Variants in LRRC4C observed in about 807,000 individuals in gnomAD.
LRRC4C encodes leucine-rich repeat-containing protein 4C.
LRRC4C carries 5 observed loss-of-function variants against 33.6 expected under a neutral mutation model. The observed-to-expected ratio is 0.15, with a 90% CI of 0.08 to 0.31. LRRC4C has a LOEUF of 0.31. Among genes scored for constraint, LRRC4C ranks in the 10% least tolerant of loss-of-function variants. The pLI, the probability that LRRC4C is intolerant of heterozygous loss-of-function variation, is 1.00. For missense variants in LRRC4C, 560 were observed against 796.7 expected (o/e 0.70, Z 3.58); for synonymous variants, 329 against 302.0 (o/e 1.09, Z -0.93).
intron 1 of LRRC4C, among the ~76,000 whole-genome samples, chr11:41,385,607 A>G (rs1256155195): frequency 2.0e-5 from 3 of 151,748 alleles, no homozygotes; most frequent in African/African-American, 7.2e-5. Flanking sequence ...TGTGAGATAC[A>G]GCTAAATGCT....
chr11:41,174,788 A>T (rs1017427713), intron 1 of LRRC4C, among the ~76,000 whole-genome samples: 26 of 151,826 alleles, frequency 1.7e-4, no homozygotes, highest in South Asian at 4.2e-4. Flanking sequence ...TGTTTTTTTT[A>T]AAAAAACAAA....
intron 2 of LRRC4C, among the ~76,000 whole-genome samples, chr11:40,720,495 G>A (rs923935400): frequency 1.3e-5 from 2 of 152,100 alleles, no homozygotes; most frequent in Non-Finnish European, 1.5e-5. Context: ...GTTCAAAAAC[G>A]ATAGTTAGCA....
At chr11:40,130,798 GACTCTAAAAAT>G (rs1261992202) in intron 6 of LRRC4C, among the ~76,000 whole-genome samples, 45 of 152,172 alleles carry the variant, frequency 3.0e-4, no homozygotes, top group South Asian at 2.9e-3. Context: ...AGTGTGTTCC[GACTCTAAAAAT>G]ACTCCCTCTA....
intron 1 of LRRC4C, among the ~76,000 whole-genome samples, chr11:40,964,517 C>T (rs1265103146): frequency 8.5e-6 from 1 of 117,540 alleles, no homozygotes; most frequent in African/African-American, 3.2e-5. Flanking sequence ...CTATCCCTTC[C>T]CCCTCCCCCC....
chr11:40,928,207 T>A (rs1453370266), intron 2 of LRRC4C, among the ~76,000 whole-genome samples: 2 of 151,566 alleles, frequency 1.3e-5, no homozygotes, highest in African/African-American at 2.4e-5. Flanking sequence ...AGTAGTATGG[T>A]CTAACCTAAC....
At chr11:40,578,915 G>A (rs1237010709) in intron 3 of LRRC4C, among the ~76,000 whole-genome samples, 1 of 152,118 alleles carries the variant, frequency 6.6e-6, no homozygotes, top group Non-Finnish European at 1.5e-5. Flanking sequence ...ATGACACAAC[G>A]TGTTTGTTAA....
chr11:40,418,376 T>C (rs1392803054), intron 3 of LRRC4C, among the ~76,000 whole-genome samples: 2 of 152,168 alleles, frequency 1.3e-5, no homozygotes, highest in Non-Finnish European at 2.9e-5. Context: ...TCATCTCTGA[T>C]CATTAGATAA....
At chr11:40,452,365 G>T (rs552710605) in intron 3 of LRRC4C, among the ~76,000 whole-genome samples, 1 of 152,150 alleles carries the variant, frequency 6.6e-6, no homozygotes, top group African/African-American at 2.4e-5. Context: ...CAAAAAGTGG[G>T]TGAAGGATAT....
intron 2 of LRRC4C, among the ~76,000 whole-genome samples, chr11:40,756,473 C>A (rs953031886): frequency 2.0e-5 from 3 of 152,036 alleles, no homozygotes; most frequent in Admixed American, 6.6e-5. Context: ...CTTCCCATAT[C>A]AGGCTGCCAG....
At chr11:41,454,252 T>C (rs955639696) in intron 1 of LRRC4C, among the ~76,000 whole-genome samples, 2 of 152,124 alleles carry the variant, frequency 1.3e-5, no homozygotes, top group Middle Eastern at 3.2e-3. Flanking sequence ...TCTTTTCTGA[T>C]ATGTTCTTGA....
At chr11:40,935,049 T>C (rs1284696697) in intron 1 of LRRC4C, among the ~76,000 whole-genome samples, 1 of 152,154 alleles carries the variant, frequency 6.6e-6, no homozygotes, top group Non-Finnish European at 1.5e-5. Context: ...GCATACAACA[T>C]CTTTGACAAA....
intron 3 of LRRC4C, among the ~76,000 whole-genome samples, chr11:40,334,667 C>A (rs1946516927): frequency 6.6e-6 from 1 of 152,136 alleles, no homozygotes; most frequent in African/African-American, 2.4e-5. Context: ...TATATACATA[C>A]ATATGCATAT....
At chr11:40,194,893 C>G (rs1271495291) in intron 5 of LRRC4C, among the ~76,000 whole-genome samples, 1 of 151,540 alleles carries the variant, frequency 6.6e-6, no homozygotes, top group Non-Finnish European at 1.5e-5. Context: ...TCCAGACCAT[C>G]CTGGCTAACA....
At chr11:40,829,487 T>A (rs765900182) in intron 2 of LRRC4C, among the ~76,000 whole-genome samples, 8 of 152,008 alleles carry the variant, frequency 5.3e-5, no homozygotes, top group Admixed American at 2.0e-4. Flanking sequence ...GCTACATATT[T>A]GTTCTTGAAT....
At chr11:41,296,731 T>C (rs1379764548) in intron 1 of LRRC4C, among the ~76,000 whole-genome samples, 1 of 152,168 alleles carries the variant, frequency 6.6e-6, no homozygotes, top group African/African-American at 2.4e-5. Flanking sequence ...TTTTTTTTTC[T>C]TTCTTATTTC....
At chr11:41,123,524 G>T (rs1360168091) in intron 1 of LRRC4C, among the ~76,000 whole-genome samples, 1 of 151,208 alleles carries the variant, frequency 6.6e-6, no homozygotes, top group African/African-American at 2.4e-5. Context: ...CGCCCGCCTC[G>T]GCCTCCCAAA....
intron 5 of LRRC4C, among the ~76,000 whole-genome samples, chr11:40,230,788 T>G (rs17386881): frequency 0.028 from 4,247 of 152,262 alleles, 96 homozygotes; most frequent in South Asian, 0.1. Context: ...GAATCAAATA[T>G]AGATGCTTAG....
intron 1 of LRRC4C, among the ~76,000 whole-genome samples, chr11:41,084,810 C>T (rs1224620137): frequency 1.3e-5 from 2 of 152,136 alleles, no homozygotes; most frequent in African/African-American, 4.8e-5. Flanking sequence ...GATCACGCCA[C>T]TACACTCCAG....
chr11:40,226,100 A>C (rs992143439), intron 5 of LRRC4C, among the ~76,000 whole-genome samples: 1 of 152,230 alleles, frequency 6.6e-6, no homozygotes, highest in African/African-American at 2.4e-5. Flanking sequence ...TTTATAAAAA[A>C]GTACATTGAA....
Sources: gnomAD v4.1 joint callset for allele counts (sites outside exome capture counted in the v4.1 genomes callset) on GRCh38, gnomAD v4.1.1 for gene constraint, MANE v1.5 for transcripts, NCBI Gene and HGNC (gene_info 2026-07-23, HGNC 2026-07-21) for gene names.